The following LRP1B variants were observed in gnomAD, a reference collection of about 807,000 sequenced individuals.
LRP1B encodes LDL receptor related protein 1B.
LRP1B carries 217 observed loss-of-function variants against 556.6 expected under a neutral mutation model. The observed-to-expected ratio is 0.39, with a 90% CI of 0.35 to 0.44. The LOEUF (loss-of-function observed/expected upper bound fraction) is 0.44. LRP1B is among the 20% of genes least tolerant of loss of function. LRP1B has a pLI of 1.00. For missense variants in LRP1B, 5,053 were observed against 5,620.8 expected (o/e 0.90, Z 3.23); for synonymous variants, 2,047 against 1,865.8 (o/e 1.10, Z -2.50).
rs529702175 is a variant in LRP1B, at chr2:140,319,246, GTCTGAAACTTGAC to G, written c.12640+2704_12640+2716del. 4.0e-3 allele frequency among the ~76,000 whole-genome samples: 614 copies of G among 152,224 alleles called. 3 individuals are homozygous for G. Among genetic ancestry groups the G allele is most frequent in the Middle Eastern group, 6.8e-3 (2 of 294 alleles). ...GAGGAAAGGAAAACCACCAAAAACT[GTCTGAAACTTGAC>G]TCTAAACAATACTTGTAACATCAGA... On this transcript the variant is annotated intron_variant, in intron 82 of 90. Coordinates refer to ENST00000389484, the MANE Select transcript of LRP1B (RefSeq NM_018557.3).
intron 7 of LRP1B, among the ~76,000 whole-genome samples, chr2:141,131,588 A>T (rs576407108): frequency 6.6e-6 from 1 of 151,700 alleles, no homozygotes; most frequent in Non-Finnish European, 1.5e-5. Flanking sequence ...AAAATATTCC[A>T]AATGAATTAA....
Position 140,594,431 on chromosome 2 carries a change from A to G in LRP1B, c.7194+4200T>C, listed in dbSNP as rs181744289. Among the ~76,000 whole-genome samples the G allele has an allele frequency of 1.8e-4, 27 of 152,358 alleles. No individual in the cohort carries two copies. The East Asian group carries it at 4.6e-3, about 26-fold the overall frequency. On this transcript the variant is annotated intron_variant, in intron 43 of 90. Coordinates refer to ENST00000389484, the MANE Select transcript of LRP1B (RefSeq NM_018557.3). ...AAGCCTATCAGACTTTGTTTAAAAC[A>G]TAGTTTTGAAAATTTACTTGACTAT...
chr2:141,103,197 C>T (rs1029342714), intron 7 of LRP1B, among the ~76,000 whole-genome samples: 26 of 151,678 alleles, frequency 1.7e-4, no homozygotes, highest in African/African-American at 5.3e-4. Context: ...TTATATGATT[C>T]ACTTATATGA....
chr2:140,789,674 A>T (rs542845984), intron 32 of LRP1B, among the ~76,000 whole-genome samples: 19 of 112,126 alleles, frequency 1.7e-4, no homozygotes, highest in Non-Finnish European at 2.8e-4. Context: ...TCTGTCGCCC[A>T]GGCTGGAGTG....
intron 2 of LRP1B, among the ~76,000 whole-genome samples, chr2:141,553,863 ATATC>A (rs1482358448): frequency 1.5e-5 from 2 of 137,600 alleles, no homozygotes; most frequent in African/African-American, 5.3e-5. Flanking sequence ...GTTATATAAT[ATATC>A]TATAATAATA....
At chr2:141,464,606 A>ATATATATATATATATATTTTTTTTTTTTT in intron 3 of LRP1B, among the ~76,000 whole-genome samples, 1 of 90,544 alleles carries the variant, frequency 1.1e-5, no homozygotes, top group African/African-American at 4.3e-5. Flanking sequence ...ATATATATAT[A>ATATATATATATATATATTTTTTTTTTTTT]TTTTTTTAGT....
chr2:141,931,415 A>G (rs1700501040), intron 1 of LRP1B, among the ~76,000 whole-genome samples: 1 of 152,010 alleles, frequency 6.6e-6, no homozygotes, highest in Admixed American at 6.6e-5. Context: ...TCCAACTGGT[A>G]GGGAGGTCAG....
At position 140,432,787 on chromosome 2, in the gene LRP1B, T is replaced by C. The variant is rs192466201; in HGVS notation, c.10414+9717A>G. Reference sequence around the variant, plus strand: ...TATCTAACATCCTGATACACAGATATAATGGCTGACAGACATACCTGTGTG... The same window carrying C: ...TATCTAACATCCTGATACACAGATACAATGGCTGACAGACATACCTGTGTG... On this transcript the variant is annotated intron_variant, in intron 66 of 90. Transcript: ENST00000389484. Among the ~76,000 whole-genome samples the C allele has an allele frequency of 6.8e-3, 1,031 of 152,334 alleles. 5 individuals carry two copies. Among genetic ancestry groups the C allele is most frequent in the Middle Eastern group, 0.031 (9 of 294 alleles).
intron 2 of LRP1B, among the ~76,000 whole-genome samples, chr2:141,547,223 A>G (rs574669676): frequency 6.6e-6 from 1 of 152,226 alleles, no homozygotes; most frequent in Non-Finnish European, 1.5e-5. Flanking sequence ...AGACATATAA[A>G]TGCATTCCTC....
intron 3 of LRP1B, among the ~76,000 whole-genome samples, chr2:141,294,100 A>C (rs1394127451): frequency 6.6e-6 from 1 of 152,166 alleles, no homozygotes; most frequent in East Asian, 1.9e-4. Context: ...AAAAGAGACT[A>C]AACAGGTAAA....
chr2:141,480,008 C>A (rs892087440), intron 3 of LRP1B, among the ~76,000 whole-genome samples: 1 of 152,102 alleles, frequency 6.6e-6, no homozygotes, highest in African/African-American at 2.4e-5. Flanking sequence ...CCTTCAAATT[C>A]TTTGTTTAAG....
intron 7 of LRP1B, among the ~76,000 whole-genome samples, chr2:141,182,565 C>T (rs1054696587): frequency 1.3e-5 from 2 of 151,718 alleles, no homozygotes; most frequent in East Asian, 3.9e-4. Context: ...ACTTTAAGTC[C>T]CAGATACCTG....
chr2:141,640,962 G>A (rs1689309151), intron 2 of LRP1B, among the ~76,000 whole-genome samples: 1 of 152,082 alleles, frequency 6.6e-6, no homozygotes, highest in Admixed American at 6.6e-5. Flanking sequence ...TATCCTTGGG[G>A]CCTGCCACGT....
chr2:141,231,649 T>C (rs1356606881), intron 5 of LRP1B, among the ~76,000 whole-genome samples: 5 of 90,412 alleles, frequency 5.5e-5, no homozygotes, highest in African/African-American at 8.7e-5. Context: ...AACCTCCACG[T>C]GGCAACCTTC....
At chr2:142,023,863 G>A (rs1259910246) in intron 1 of LRP1B, among the ~76,000 whole-genome samples, 1 of 152,020 alleles carries the variant, frequency 6.6e-6, no homozygotes, top group East Asian at 1.9e-4. Flanking sequence ...CATTTCATGT[G>A]GCTATCAGAT....
intron 2 of LRP1B, among the ~76,000 whole-genome samples, chr2:141,762,846 G>A (rs1694606151): frequency 6.6e-6 from 1 of 152,212 alleles, no homozygotes; most frequent in African/African-American, 2.4e-5. Context: ...ATTTGTAACT[G>A]AGATAGGCTT....
intron 31 of LRP1B, among the ~76,000 whole-genome samples, chr2:140,823,254 C>T (rs1691387667): frequency 6.6e-6 from 1 of 151,436 alleles, no homozygotes; most frequent in Non-Finnish European, 1.5e-5. Flanking sequence ...AATCTGACAA[C>T]AATATGCACG....
At chr2:141,336,222 T>C (rs1479779606) in intron 3 of LRP1B, among the ~76,000 whole-genome samples, 2 of 152,120 alleles carry the variant, frequency 1.3e-5, no homozygotes, top group African/African-American at 2.4e-5. Flanking sequence ...TCCTGGCTTC[T>C]TCCTGTCTCT....
intron 41 of LRP1B, among the ~76,000 whole-genome samples, chr2:140,682,675 C>CGTGTGTGTGT (rs112723393): frequency 0.015 from 2,291 of 149,512 alleles, 47 homozygotes; most frequent in African/African-American, 0.044. Context: ...GAGAGTATTG[C>CGTGTGTGTGT]GTGTGTGTGT....
Sources: allele counts gnomAD v4.1 joint callset (sites outside exome capture counted in the v4.1 genomes callset), GRCh38; gene constraint gnomAD v4.1.1; transcripts MANE v1.5; gene names NCBI Gene and HGNC (gene_info 2026-07-23, HGNC 2026-07-21).